ZNF185: variants seen among roughly 807,000 people sequenced by gnomAD.
The protein encoded by ZNF185 is zinc finger protein 185 with LIM domain, also known as zinc finger protein 185.
Under a neutral mutation model 58.6 loss-of-function variants are expected in ZNF185, and 56 were observed. The observed-to-expected ratio is 0.95, with a 90% CI of 0.77 to 1.19. The LOEUF (loss-of-function observed/expected upper bound fraction) is 1.19, where lower values mean the gene tolerates loss of function less well. Among genes scored for constraint, ZNF185 ranks in the 50% most tolerant of loss-of-function variants. The pLI is 0.00. For synonymous variants in ZNF185, 230 were observed against 215.9 expected, an observed-to-expected ratio of 1.07 and a Z score of -0.57; for missense variants, 627 against 573.5, an observed-to-expected ratio of 1.09 and a Z score of -0.95.
At chrX:152,949,566 G>A (rs2048101395) in intron 16 of ZNF185, among the ~76,000 whole-genome samples, 1 of 111,402 alleles carries the variant, frequency 9.0e-6, no homozygotes, top group Non-Finnish European at 1.9e-5. Context: ...TGGGCCAGGG[G>A]CTTAAGGGCT....
intron 2 of ZNF185, 146 bp downstream of exon 3, chrX:152,914,979 C>G: frequency 1.0e-6 from 1 of 998,156 alleles, no homozygotes; most frequent in Admixed American, 2.9e-5. Context: ...AAAGGCTATC[C>G]AGCAATGTCA....
chrX:152,933,137 G>A (rs1394731036), intron 14 of ZNF185, among the ~76,000 whole-genome samples, 166 bp downstream of exon 15: 2 of 112,192 alleles, frequency 1.8e-5, no homozygotes, highest in East Asian at 5.7e-4. Flanking sequence ...GTGTCCTTGG[G>A]CTTTCCACTT....
chrX:152,934,307 C>G (rs1407493741), intron 14 of ZNF185, among the ~76,000 whole-genome samples: 5 of 111,918 alleles, frequency 4.5e-5, no homozygotes, highest in Non-Finnish European at 9.4e-5. Flanking sequence ...TGATGGCTGT[C>G]GCGGAAGAGA....
At chrX:152,940,164 G>C (rs1289429997) in intron 15 of ZNF185, among the ~76,000 whole-genome samples, 2 of 110,678 alleles carry the variant, frequency 1.8e-5, no homozygotes, top group Non-Finnish European at 3.8e-5. Context: ...ATACACTGTT[G>C]ATGAAAAAGG....
chrX:152,959,511 C>T (rs1287317332), intron 16 of ZNF185, among the ~76,000 whole-genome samples, 188 bp from the exon 19 acceptor site: 1 of 112,063 alleles, frequency 8.9e-6, no homozygotes, highest in African/African-American at 3.2e-5. Flanking sequence ...AGCAGCACTG[C>T]GGGGGTCCTA....
At chrX:152,945,283 G>A (rs1556893593) in exon 16 of ZNF185, 1 of 1,209,476 alleles carries the variant, frequency 8.3e-7, no homozygotes, top group South Asian at 1.8e-5. Context: ...GGCTGATTAT[G>A]AGGGGAAGGA....
intron 16 of ZNF185, among the ~76,000 whole-genome samples, chrX:152,948,861 G>A (rs2048026784): frequency 8.9e-6 from 1 of 111,789 alleles, no homozygotes; most frequent in Admixed American, 9.5e-5. Flanking sequence ...GTGATATGGC[G>A]AGAGTATTGC....
At chrX:152,905,032 T>C in the ZNF185 span, among the ~76,000 whole-genome samples, 2 of 112,951 alleles carry the variant, frequency 1.8e-5, no homozygotes, top group Admixed American at 9.3e-5. Context: ...ACCCAGGTCC[T>C]TGGACTCCTC....
intron 20 of ZNF185, among the ~76,000 whole-genome samples, chrX:152,968,300 A>G (rs1350285139): frequency 1.8e-5 from 2 of 112,457 alleles, no homozygotes; most frequent in African/African-American, 6.5e-5. Context: ...GAGGCTTCCA[A>G]TTCTAGTGGA....
At chrX:152,926,905 T>C (rs1940970197) in intron 11 of ZNF185, among the ~76,000 whole-genome samples, 1 of 112,739 alleles carries the variant, frequency 8.9e-6, no homozygotes, top group Middle Eastern at 4.6e-3. Flanking sequence ...ATCTGTTCCA[T>C]ACCTTTCTCT....
chrX:152,936,325 C>T, intron 14 of ZNF185, 93 bp from the exon 16 acceptor site: 1 of 739,603 alleles, frequency 1.4e-6, no homozygotes, highest in Non-Finnish European at 2.0e-6. Flanking sequence ...TGGTCCTCAT[C>T]ATCTGTGGGG....
chrX:152,905,722 G>T, the ZNF185 span, among the ~76,000 whole-genome samples: 3 of 109,317 alleles, frequency 2.7e-5, no homozygotes, highest in Non-Finnish European at 3.8e-5. Context: ...TTGGGGGGGG[G>T]GCGGGGTCAC....
intron 15 of ZNF185, among the ~76,000 whole-genome samples, chrX:152,943,815 T>C (rs192162677): frequency 7.7e-4 from 87 of 112,923 alleles, no homozygotes; most frequent in Non-Finnish European, 1.5e-3. Flanking sequence ...TCTGATTAAA[T>C]CCATAGTAAA....
the ZNF185 span, among the ~76,000 whole-genome samples, chrX:152,901,067 G>A: frequency 8.9e-6 from 1 of 111,865 alleles, no homozygotes; most frequent in Non-Finnish European, 1.9e-5. Flanking sequence ...GGTGGAGAGA[G>A]AGATGCTGAC....
intron 15 of ZNF185, among the ~76,000 whole-genome samples, chrX:152,943,761 C>T (rs1461073294): frequency 8.9e-6 from 1 of 112,960 alleles, no homozygotes; most frequent in Non-Finnish European, 1.9e-5. Context: ...TGAGGGCAAC[C>T]TCTACTAGTG....
chrX:152,900,915 C>T, the ZNF185 span, among the ~76,000 whole-genome samples: 1 of 112,589 alleles, frequency 8.9e-6, no homozygotes, highest in African/African-American at 3.2e-5. Context: ...TGAAGGGTGG[C>T]TAAAGCCAGG....
At chrX:152,917,035 C>T in intron 3 of ZNF185, 96 bp from the exon 5 acceptor site, 5 of 1,131,815 alleles carry the variant, frequency 4.4e-6, no homozygotes, top group Non-Finnish European at 6.0e-6. Context: ...ACTTGCCAGC[C>T]AATCTTATTT....
intron 3 of ZNF185, among the ~76,000 whole-genome samples, chrX:152,916,619 C>T (rs1317439038): frequency 8.9e-6 from 1 of 112,319 alleles, no homozygotes; most frequent in East Asian, 2.8e-4. Flanking sequence ...AGGGGGACAG[C>T]TGGCTTCGGC....
chrX:152,973,445 C>T lies in ZNF185; in HGVS notation c.*2172C>T, dbSNP rs782193332. On this transcript the variant is annotated 3_prime_UTR_variant, in exon 23 of 23. Coordinates refer to ENST00000449285, the Ensembl canonical transcript of ZNF185. ...ATCATACTTAATCCACACTAATGTG[C>T]GCAATTATAATAAATGGTAAGATAT... 5.3e-5 allele frequency: 6 copies of T among 112,413 alleles called. No individual in the cohort carries two copies. In the East Asian group the frequency reaches 8.3e-4, roughly 16 times the overall value. 9.3% of individuals were successfully genotyped at this position (112,413 alleles called of 1,213,427 possible).
Sources: allele counts gnomAD v4.1 joint callset (sites outside exome capture counted in the v4.1 genomes callset), GRCh38; gene constraint gnomAD v4.1.1; transcripts MANE v1.5; gene names NCBI Gene and HGNC (gene_info 2026-07-23, HGNC 2026-07-21).